Variants in CACNA1E observed in about 807,000 individuals in gnomAD.
The protein encoded by CACNA1E is voltage-dependent R-type calcium channel subunit alpha-1E.
Under a neutral mutation model 259.2 loss-of-function variants are expected in CACNA1E, and 40 were observed. The ratio of observed to expected loss-of-function variants is 0.15; its 90% confidence interval spans 0.12 to 0.20. CACNA1E has a LOEUF of 0.20. Ranked by LOEUF, CACNA1E falls within the 10% of genes least tolerant of loss-of-function variation. The probability of loss-of-function intolerance (pLI) is 1.00; values close to 1 mark genes in which losing one functional copy is unlikely to be tolerated. For synonymous variants in CACNA1E, 1,104 were observed against 1,138.5 expected, an observed-to-expected ratio of 0.97 and a Z score of 0.61; for missense variants, 1,874 against 3,040.1, an observed-to-expected ratio of 0.62 and a Z score of 9.02.
upstream of CACNA1E, among the ~76,000 whole-genome samples, chr1:181,482,702 C>T (rs1283902589): frequency 6.6e-6 from 1 of 152,270 alleles, no homozygotes; most frequent in Admixed American, 6.5e-5. Flanking sequence ...AGGGCGCTGC[C>T]TGCGGGGAAG....
chr1:181,378,590 A>G (rs1655252600), intron 1 of CACNA1E, among the ~76,000 whole-genome samples: 1 of 152,220 alleles, frequency 6.6e-6, no homozygotes, highest in African/African-American at 2.4e-5. Context: ...TTAAGTATTC[A>G]GCTGAGTACT....
chr1:181,624,041 A>G (rs984097318), intron 6 of CACNA1E, among the ~76,000 whole-genome samples: 12 of 152,176 alleles, frequency 7.9e-5, no homozygotes, highest in Non-Finnish European at 1.5e-4. Context: ...AGCTGCTCCC[A>G]CTCATGGTGG....
Position 181,717,344 on chromosome 1 carries a change from A to G in CACNA1E, c.1525+42A>G, listed in dbSNP as rs1013385510. ...TCTAAAGCCTCCTCTGCTGGTCCCCATGTGGGGCAGCTTGATGTGTGTGTG... is the reference window on the plus strand; with the variant it reads ...TCTAAAGCCTCCTCTGCTGGTCCCCGTGTGGGGCAGCTTGATGTGTGTGTG... On this transcript the variant is annotated intron_variant, in intron 11 of 47. Coordinates refer to ENST00000367573, the MANE Select transcript of CACNA1E (RefSeq NM_001205293.3). 6 of 1,528,122 alleles carry G rather than the reference A, an allele frequency of 3.9e-6. No homozygotes were observed. In the African/African-American group the frequency reaches 4.1e-5, roughly 10 times the overall value. The allele number at this position is 1,528,122 out of a possible 1,614,324, so 94.7% of individuals were successfully genotyped here. A position where few individuals can be genotyped will look rare whatever the true frequency, so the allele number is the denominator to read the frequency against.
chr1:181,554,232 C>T (rs1024958419), intron 3 of CACNA1E, among the ~76,000 whole-genome samples: 5 of 152,124 alleles, frequency 3.3e-5, no homozygotes, highest in African/African-American at 7.2e-5. Flanking sequence ...AGGCTGGTCT[C>T]GAACTCCTGA....
intron 1 of CACNA1E, chr1:181,318,244 T>G (rs1289814113): frequency 6.6e-6 from 1 of 152,092 alleles, no homozygotes. Flanking sequence ...TTCTACGTGT[T>G]GGGGGGATGC....
At chr1:181,482,632 C>G (rs1413288801), upstream of CACNA1E, among the ~76,000 whole-genome samples, 1 of 152,276 alleles carries the variant, frequency 6.6e-6, no homozygotes, top group Non-Finnish European at 1.5e-5. Context: ...CTGCGCGCCG[C>G]TCGCTGTCCT....
At chr1:181,439,306 T>G (rs1469590425) in intron 2 of CACNA1E, among the ~76,000 whole-genome samples, 1 of 150,196 alleles carries the variant, frequency 6.7e-6, no homozygotes, top group African/African-American at 2.5e-5. Flanking sequence ...CTGTAAATTT[T>G]AGAAGGTTAG....
At chr1:181,414,291 T>C (rs531588313) in intron 2 of CACNA1E, among the ~76,000 whole-genome samples, 1 of 152,360 alleles carries the variant, frequency 6.6e-6, no homozygotes, top group African/African-American at 2.4e-5. Context: ...GTGGTCTGTA[T>C]GTCTTCATCT....
chr1:181,663,643 TAAAAGTC>T (rs756991218), intron 7 of CACNA1E, among the ~76,000 whole-genome samples: 49 of 152,222 alleles, frequency 3.2e-4, no homozygotes, highest in Non-Finnish European at 5.6e-4. Context: ...GCTGGCATCT[TAAAAGTC>T]AGGAGCATAA....
At chr1:181,458,082 TA>T (rs1661574466) in intron 2 of CACNA1E, among the ~76,000 whole-genome samples, 1 of 152,254 alleles carries the variant, frequency 6.6e-6, no homozygotes. Context: ...CCTGCCTTTA[TA>T]GCAGTTTTCC....
At chr1:181,641,555 A>G (rs1657747586) in intron 6 of CACNA1E, among the ~76,000 whole-genome samples, 3 of 152,064 alleles carry the variant, frequency 2.0e-5, no homozygotes, top group Admixed American at 6.6e-5. Flanking sequence ...CTTACATGAC[A>G]TCTCTATCCT....
At chr1:181,539,739 G>A (rs1197705768) in intron 3 of CACNA1E, among the ~76,000 whole-genome samples, 1 of 152,136 alleles carries the variant, frequency 6.6e-6, no homozygotes, top group Non-Finnish European at 1.5e-5. Flanking sequence ...AGTAACCTCT[G>A]AATATTATGT....
At chr1:181,608,512 G>C (rs1411890017) in intron 6 of CACNA1E, among the ~76,000 whole-genome samples, 5 of 152,190 alleles carry the variant, frequency 3.3e-5, no homozygotes, top group African/African-American at 1.2e-4. Flanking sequence ...TGGAGAAATG[G>C]TTTGGGCAGA....
chr1:181,572,716 A>C (rs1650538073), intron 3 of CACNA1E, among the ~76,000 whole-genome samples: 1 of 152,176 alleles, frequency 6.6e-6, no homozygotes, highest in Admixed American at 6.5e-5. Context: ...AGTTATTCTC[A>C]GTGGCCCCAC....
chr1:181,690,641 T>C (rs1651055389), intron 7 of CACNA1E, among the ~76,000 whole-genome samples: 1 of 152,222 alleles, frequency 6.6e-6, no homozygotes, highest in South Asian at 2.1e-4. Context: ...TTGTGTCCTC[T>C]CTTATTTCCT....
chr1:181,325,651 T>C (rs1325907996), intron 1 of CACNA1E, among the ~76,000 whole-genome samples: 7 of 151,416 alleles, frequency 4.6e-5, no homozygotes, highest in Admixed American at 1.3e-4. Flanking sequence ...TTTTATTTAT[T>C]TATTTATTTA....
At chr1:181,750,592 G>A (rs1657508570) in intron 26 of CACNA1E, 105 bp downstream of exon 26, 1 of 1,054,846 alleles carries the variant, frequency 9.5e-7, no homozygotes, top group African/African-American at 1.6e-5. Flanking sequence ...AGAAAAGAGT[G>A]GTCAGTTTTT....
At chr1:181,320,914 G>A (rs1039168182) in intron 1 of CACNA1E, among the ~76,000 whole-genome samples, 2 of 152,146 alleles carry the variant, frequency 1.3e-5, no homozygotes, top group South Asian at 2.1e-4. Context: ...TAAAAAAAGA[G>A]GTTTATTTGG....
In CACNA1E at chr1:181,691,059, A is replaced by G. The variant is rs1651103574; in HGVS notation, c.1056-19895A>G. Among the ~76,000 whole-genome samples the G allele has an allele frequency of 2.0e-5, 3 of 151,994 alleles. No homozygotes were observed. In the South Asian group the frequency reaches 6.2e-4, roughly 31 times the overall value. ...GAAAAATCAAATATTATCTTTTCAAATATTTTCTCTCATCATTTGTCTCTT... is the reference window on the plus strand; with the variant it reads ...GAAAAATCAAATATTATCTTTTCAAGTATTTTCTCTCATCATTTGTCTCTT... On this transcript the variant is annotated intron_variant, in intron 7 of 47. Coordinates refer to ENST00000367573, the MANE Select transcript of CACNA1E (RefSeq NM_001205293.3).
Sources: allele counts gnomAD v4.1 joint callset (sites outside exome capture counted in the v4.1 genomes callset), GRCh38; gene constraint gnomAD v4.1.1; transcripts MANE v1.5; gene names NCBI Gene and HGNC (gene_info 2026-07-23, HGNC 2026-07-21).